TENT4B: variants seen among roughly 807,000 people sequenced by gnomAD.
The protein encoded by TENT4B is terminal nucleotidyltransferase 4B, also known as PAP associated domain containing 5.
TENT4B carries 10 observed loss-of-function variants against 75.0 expected under a neutral mutation model. That is an observed-to-expected ratio of 0.13 (90% CI 0.08 to 0.23). The LOEUF is 0.23. Ranked by LOEUF, TENT4B falls within the 10% of genes least tolerant of loss-of-function variation. TENT4B has a pLI of 1.00. For missense variants in TENT4B, 579 were observed against 893.8 expected, an observed-to-expected ratio of 0.65 and a Z score of 4.49; for synonymous variants, 350 against 357.7, an observed-to-expected ratio of 0.98 and a Z score of 0.24.
At chr16:50,161,630 G>C (rs945864750) in intron 1 of TENT4B, among the ~76,000 whole-genome samples, 17 of 151,972 alleles carry the variant, frequency 1.1e-4, no homozygotes, top group African/African-American at 3.9e-4. Context: ...CTCATACATA[G>C]CCCTACTAAT....
At chr16:50,185,325 A>G (rs1219013007) in intron 1 of TENT4B, among the ~76,000 whole-genome samples, 1 of 152,192 alleles carries the variant, frequency 6.6e-6, no homozygotes, top group Non-Finnish European at 1.5e-5. Flanking sequence ...CTTAACTTGC[A>G]GTTTTGGAGG....
chr16:50,217,760 G>GTC lies in TENT4B; in HGVS notation c.1038+111_1038+112dup, dbSNP rs11270333. 59 of 520,078 alleles carry GTC rather than the reference G, an allele frequency of 1.1e-4. 1 individual carries two copies. The Admixed American group carries it at 1.6e-3, about 15-fold the overall frequency. 32.2% of individuals were successfully genotyped at this position (520,078 alleles called of 1,614,324 possible). On this transcript the variant is annotated intron_variant, in intron 5 of 11. Transcript: ENST00000561678. The stretch of plus-strand genomic sequence containing the variant: ...CTAATATTTTTATATGCATGTTGCT[G>GTC]TCTCTCTCTCTCTCTTTTAAATAGA...
intron 1 of TENT4B, among the ~76,000 whole-genome samples, chr16:50,191,167 A>G (rs933511745): frequency 6.6e-6 from 1 of 152,116 alleles, no homozygotes; most frequent in African/African-American, 2.4e-5. Context: ...TCATGTTGCT[A>G]TAGCTGTACA....
chr16:50,164,318 T>C (rs2038059182), intron 1 of TENT4B, among the ~76,000 whole-genome samples: 1 of 150,222 alleles, frequency 6.7e-6, no homozygotes, highest in Non-Finnish European at 1.5e-5. Context: ...TCTTTTGTTG[T>C]TGTTGTTTTT....
intron 5 of TENT4B, among the ~76,000 whole-genome samples, chr16:50,220,632 G>A (rs897099000): frequency 3.9e-5 from 6 of 152,222 alleles, no homozygotes; most frequent in Non-Finnish European, 5.9e-5. Context: ...GAGTTCAAAC[G>A]ATTCTTGTGC....
At chr16:50,170,526 A>C (rs1432521350) in intron 1 of TENT4B, among the ~76,000 whole-genome samples, 1 of 152,206 alleles carries the variant, frequency 6.6e-6, no homozygotes, top group Non-Finnish European at 1.5e-5. Flanking sequence ...GCGTTAAAGA[A>C]ATGGCAGTAT....
At chr16:50,216,745 C>T (rs1392347499) in intron 4 of TENT4B, among the ~76,000 whole-genome samples, 1 of 152,070 alleles carries the variant, frequency 6.6e-6, no homozygotes, top group Non-Finnish European at 1.5e-5. Flanking sequence ...GTCTCTAACT[C>T]CTGGACTCAA....
intron 5 of TENT4B, among the ~76,000 whole-genome samples, chr16:50,219,394 G>C (rs2150742785): frequency 6.6e-6 from 1 of 152,178 alleles, no homozygotes; most frequent in South Asian, 2.1e-4. Flanking sequence ...GCACATACAG[G>C]CTTGCTTTAT....
At chr16:50,220,756 TGACCTCAA>T (rs1215819558) in intron 5 of TENT4B, among the ~76,000 whole-genome samples, 1 of 152,032 alleles carries the variant, frequency 6.6e-6, no homozygotes, top group East Asian at 1.9e-4. Flanking sequence ...CTTGAACTCC[TGACCTCAA>T]GAGATCCACC....
intron 1 of TENT4B, among the ~76,000 whole-genome samples, chr16:50,177,521 T>C (rs1048265212): frequency 6.6e-6 from 1 of 152,080 alleles, no homozygotes; most frequent in African/African-American, 2.4e-5. Flanking sequence ...GGGATTAGAG[T>C]CCTTCATAAT....
chr16:50,169,085 G>A (rs2038156313), intron 1 of TENT4B, among the ~76,000 whole-genome samples: 4 of 152,114 alleles, frequency 2.6e-5, no homozygotes. Context: ...AATATCCAAT[G>A]TTCATATTTC....
intron 1 of TENT4B, among the ~76,000 whole-genome samples, chr16:50,165,118 C>T (rs2038074531): frequency 1.3e-5 from 2 of 151,562 alleles, no homozygotes; most frequent in African/African-American, 2.4e-5. Flanking sequence ...ATTTCTATAC[C>T]ATTTTTAATA....
At chr16:50,173,783 T>G (rs2150685943) in intron 1 of TENT4B, among the ~76,000 whole-genome samples, 1 of 152,308 alleles carries the variant, frequency 6.6e-6, no homozygotes, top group Non-Finnish European at 1.5e-5. Context: ...AACCTCTGCC[T>G]CCTGGGTTCA....
At chr16:50,182,244 G>GT (rs1232593251) in intron 1 of TENT4B, among the ~76,000 whole-genome samples, 1 of 152,114 alleles carries the variant, frequency 6.6e-6, no homozygotes, top group African/African-American at 2.4e-5. Flanking sequence ...GGGCAACAGA[G>GT]TGAAACCCTG....
chr16:50,161,654 A>G (rs947332605), intron 1 of TENT4B, among the ~76,000 whole-genome samples: 5 of 152,104 alleles, frequency 3.3e-5, no homozygotes, highest in African/African-American at 1.2e-4. Flanking sequence ...TTTACTTTCT[A>G]TTTTGAAATA....
At position 50,194,518 on chromosome 16, in the gene TENT4B, A is replaced by ATTTC. The variant is rs376285017; in HGVS notation, c.639-16789_639-16786dup. Among the ~76,000 whole-genome samples, 44 of 146,000 alleles carry ATTTC rather than the reference A, an allele frequency of 3.0e-4. 1 individual carries two copies. Among genetic ancestry groups the ATTTC allele is most frequent in the Non-Finnish European group, 5.3e-4 (35 of 65,880 alleles). On this transcript the variant is annotated intron_variant, in intron 1 of 11. Transcript: ENST00000561678. ...GCATGAGCCACCATGCCTGGCCATTATTTCTTTCTTTCTTTCTTTTTCTTT... is the reference window on the plus strand; with the variant it reads ...GCATGAGCCACCATGCCTGGCCATTATTTCTTTCTTTCTTTCTTTCTTTTTCTTT...
In TENT4B at chr16:50,154,095, C is replaced by A; in HGVS notation, c.474C>A (p.Ser158Arg). The A allele has an allele frequency of 6.5e-7, 1 of 1,528,844 alleles. No individual in the cohort carries two copies. Among genetic ancestry groups the A allele is most frequent in the Non-Finnish European group, 8.7e-7 (1 of 1,144,036 alleles). The allele number at this position is 1,528,844 out of a possible 1,614,324, so 94.7% of individuals were successfully genotyped here. A position where few individuals can be genotyped will look rare whatever the true frequency, so the allele number is the denominator to read the frequency against. Residue 158 changes from serine to arginine, a missense_variant, in exon 1 of 12, where the codon AGC (serine) becomes AGA (arginine). Transcript: ENST00000561678. ...CAGCCGATTCGGCCTCGGGCAGCAG[C>A]AACAAGAGGAAGCGCGACAACAAGG... ...ADPADSASGS[S>R]NKRKRDNKAS...
chr16:50,233,645 TA>T lies in TENT4B; in HGVS notation c.*4320del. 2 of 983,912 alleles carry T rather than the reference TA, an allele frequency of 2.0e-6. No individual in the cohort carries two copies. Among genetic ancestry groups the T allele is most frequent in the Non-Finnish European group, 2.4e-6 (2 of 828,560 alleles). 60.9% of individuals were successfully genotyped at this position (983,912 alleles called of 1,614,324 possible). A position where few individuals can be genotyped will look rare whatever the true frequency, so the allele number is the denominator to read the frequency against. On this transcript the variant is annotated 3_prime_UTR_variant, in exon 12 of 12. Transcript: ENST00000561678. ...ATATTTGAGGACAGTTTTTAGTTAA[TA>T]AACTGCTAATGTTTATTTTACTGTC...
chr16:50,229,588 T>G lies in TENT4B; in HGVS notation c.*260T>G. 8.5e-7 allele frequency: 1 copy of G among 1,180,862 alleles called. No individual in the cohort carries two copies. The highest frequency in any genetic ancestry group is 1.0e-6 in the Non-Finnish European group (1 of 957,480). 73.1% of individuals were successfully genotyped at this position (1,180,862 alleles called of 1,614,324 possible). The stretch of plus-strand genomic sequence containing the variant: ...TGATAAGTCATATGCTACAACAGGG[T>G]CATTTTAAGATTTAAAGCTTGAATG... On this transcript the variant is annotated 3_prime_UTR_variant, in exon 12 of 12. Transcript: ENST00000561678.
Sources: gnomAD v4.1 joint callset for allele counts (sites outside exome capture counted in the v4.1 genomes callset) on GRCh38, gnomAD v4.1.1 for gene constraint, MANE v1.5 for transcripts, NCBI Gene and HGNC (gene_info 2026-07-23, HGNC 2026-07-21) for gene names.